The following COL25A1 variants were observed in gnomAD, a reference collection of about 807,000 sequenced individuals.
COL25A1 encodes collagen alpha-1(XXV) chain.
In COL25A1, 103 loss-of-function variants were observed where a neutral mutation model predicts 128.4. The observed-to-expected ratio is 0.80, with a 90% CI of 0.68 to 0.94. The LOEUF is 0.94. Among genes scored for constraint, COL25A1 ranks in the 40% least tolerant of loss-of-function variants. The pLI, the probability that COL25A1 is intolerant of heterozygous loss-of-function variation, is 0.00. For missense variants in COL25A1, 745 were observed against 840.0 expected (o/e 0.89, Z 1.40); for synonymous variants, 279 against 277.2 (o/e 1.01, Z -0.06).
At chr4:109,013,484 C>CCCCACTGTGTAGGCTTTGTTCTT in intron 5 of COL25A1, among the ~76,000 whole-genome samples, 1 of 151,196 alleles carries the variant, frequency 6.6e-6, no homozygotes, top group South Asian at 2.1e-4. Flanking sequence ...GAGTCCCCTT[C>CCCCACTGTGTAGGCTTTGTTCTT]CACACTGTGT....
At chr4:108,821,744 T>C (rs1229611099) in intron 35 of COL25A1, among the ~76,000 whole-genome samples, 1 of 152,228 alleles carries the variant, frequency 6.6e-6, no homozygotes, top group African/African-American at 2.4e-5. Flanking sequence ...TTAGTCAGCA[T>C]TGTTTTGTAA....
chr4:109,286,935 C>CT (rs1473853296), intron 3 of COL25A1, among the ~76,000 whole-genome samples: 2 of 152,154 alleles, frequency 1.3e-5, no homozygotes, highest in Non-Finnish European at 2.9e-5. Flanking sequence ...CAGAAGGCAT[C>CT]TTGGGGAGGA....
intron 2 of COL25A1, among the ~76,000 whole-genome samples, 167 bp downstream of exon 2, chr4:109,301,556 T>A (rs1275732356): frequency 6.6e-6 from 1 of 152,134 alleles, no homozygotes; most frequent in African/African-American, 2.4e-5. Flanking sequence ...TGTGCACATA[T>A]AAATATATGC....
chr4:109,292,411 T>C (rs1158947115), intron 3 of COL25A1, among the ~76,000 whole-genome samples: 1 of 152,060 alleles, frequency 6.6e-6, no homozygotes, highest in African/African-American at 2.4e-5. Flanking sequence ...AGAATAGTAA[T>C]GCATGGAAAG....
rs145366344 is a variant in COL25A1 at position 109,095,964 on chromosome 4, T to C, written c.368-45785A>G. Reference sequence around the variant, plus strand: ...TTGCACACTCAACGACTGGAATTTGTGCACAAGTTGAAGATGAATTCACTA... The same window carrying C: ...TTGCACACTCAACGACTGGAATTTGCGCACAAGTTGAAGATGAATTCACTA... On this transcript the variant is annotated intron_variant, in intron 3 of 37. Coordinates refer to ENST00000399132, the MANE Select transcript of COL25A1 (RefSeq NM_198721.4). Among the ~76,000 whole-genome samples, 7 of 152,270 alleles carry C rather than the reference T, an allele frequency of 4.6e-5. No homozygotes were observed. The East Asian group carries it at 1.4e-3, about 29-fold the overall frequency.
At chr4:108,838,039 T>A (rs1324426627) in intron 31 of COL25A1, 2 of 1,174,422 alleles carry the variant, frequency 1.7e-6, no homozygotes, top group Non-Finnish European at 2.5e-6. Flanking sequence ...AGAGTTATCA[T>A]GTAGGGTAGA....
intron 3 of COL25A1, among the ~76,000 whole-genome samples, chr4:109,051,885 C>T (rs1359774455): frequency 6.6e-6 from 1 of 151,604 alleles, no homozygotes; most frequent in Admixed American, 6.6e-5. Flanking sequence ...AAATAATTCA[C>T]CCTAACCATG....
chr4:108,834,344 G>A (rs1733524234), intron 31 of COL25A1: 11 of 1,550,302 alleles, frequency 7.1e-6, no homozygotes, highest in South Asian at 1.2e-5. Context: ...CAAGACAAGG[G>A]ACTGACTCAC....
At chr4:109,010,010 C>T (rs1183599524) in intron 6 of COL25A1, among the ~76,000 whole-genome samples, 1 of 152,196 alleles carries the variant, frequency 6.6e-6, no homozygotes, top group East Asian at 1.9e-4. Flanking sequence ...TTCACAACAA[C>T]ATTATTAGTA....
At chr4:109,048,263 A>G in intron 4 of COL25A1, 88 bp from the exon 5 acceptor site, 3 of 1,265,260 alleles carry the variant, frequency 2.4e-6, no homozygotes, top group Non-Finnish European at 3.4e-6. Flanking sequence ...ATATGAGCAT[A>G]ATCATCAGCA....
At chr4:108,969,844 C>CAGT (rs562883581) in intron 8 of COL25A1, among the ~76,000 whole-genome samples, 1,635 of 152,146 alleles carry the variant, frequency 0.011, 38 homozygotes, top group African/African-American at 0.037. Context: ...ACTTGGTCAC[C>CAGT]CTGCTTTCAG....
intron 14 of COL25A1, among the ~76,000 whole-genome samples, chr4:108,900,658 C>A (rs1214440461): frequency 6.6e-6 from 1 of 152,090 alleles, no homozygotes; most frequent in Non-Finnish European, 1.5e-5. Flanking sequence ...TTTTAAACAT[C>A]TTTATTCTGC....
At chr4:109,218,357 G>GTTTTTTTTTTGTTTTTTTTT (rs1553961829) in intron 3 of COL25A1, among the ~76,000 whole-genome samples, 13 of 73,564 alleles carry the variant, frequency 1.8e-4, no homozygotes, top group African/African-American at 2.8e-4. Flanking sequence ...GTTTTTTGGG[G>GTTTTTTTTTTGTTTTTTTTT]TTTTTTTTTT....
chr4:109,038,537 C>A (rs1051921812), intron 5 of COL25A1, among the ~76,000 whole-genome samples: 1 of 152,154 alleles, frequency 6.6e-6, no homozygotes, highest in Non-Finnish European at 1.5e-5. Flanking sequence ...TACTGGTAAT[C>A]CCATTGGATT....
intron 3 of COL25A1, among the ~76,000 whole-genome samples, chr4:109,210,179 C>CA (rs33962948): frequency 3.3e-5 from 5 of 150,904 alleles, no homozygotes; most frequent in Admixed American, 1.3e-4. Flanking sequence ...AGCGAAGCCT[C>CA]AAAAAAAAAT....
chr4:109,152,891 G>A (rs906074104), intron 3 of COL25A1, among the ~76,000 whole-genome samples: 6 of 152,070 alleles, frequency 3.9e-5, no homozygotes, highest in Non-Finnish European at 8.8e-5. Flanking sequence ...ACTGAGGGGT[G>A]GAAAATGGCG....
intron 3 of COL25A1, among the ~76,000 whole-genome samples, chr4:109,076,670 A>T (rs2125988961): frequency 6.6e-6 from 1 of 152,164 alleles, no homozygotes; most frequent in Admixed American, 6.6e-5. Flanking sequence ...GGTGATAGAT[A>T]ACAAAATAAT....
intron 3 of COL25A1, among the ~76,000 whole-genome samples, chr4:109,069,205 A>G (rs1762716819): frequency 6.6e-6 from 1 of 151,472 alleles, no homozygotes; most frequent in Non-Finnish European, 1.5e-5. Flanking sequence ...ACAATACCTA[A>G]TTAGTTTTCT....
At chr4:109,143,114 A>G (rs982962403) in intron 3 of COL25A1, among the ~76,000 whole-genome samples, 1 of 152,148 alleles carries the variant, frequency 6.6e-6, no homozygotes, top group East Asian at 1.9e-4. Context: ...GTAGTGTCAA[A>G]ATCTCAGCAT....
Sources: gnomAD v4.1 joint callset for allele counts (sites outside exome capture counted in the v4.1 genomes callset) on GRCh38, gnomAD v4.1.1 for gene constraint, MANE v1.5 for transcripts, NCBI Gene and HGNC (gene_info 2026-07-23, HGNC 2026-07-21) for gene names.